The following ERBB3 variants were observed in gnomAD, a reference collection of about 807,000 sequenced individuals.
The protein encoded by ERBB3 is erb-b2 receptor tyrosine kinase 3, also known as receptor tyrosine-protein kinase erbB-3.
A neutral mutation model predicts 156.7 loss-of-function variants in ERBB3; 96 were observed. The ratio of observed to expected loss-of-function variants is 0.61; its 90% CI spans 0.52 to 0.73. The LOEUF is 0.73. Among genes scored for constraint, ERBB3 ranks in the 30% least tolerant of loss-of-function variants. The probability of loss-of-function intolerance (pLI) is 0.00; values close to 1 mark genes in which losing one functional copy is unlikely to be tolerated. For missense variants in ERBB3, 1,406 were observed against 1,709.4 expected, an observed-to-expected ratio of 0.82 and a Z score of 3.13; for synonymous variants, 567 against 632.0, an observed-to-expected ratio of 0.90 and a Z score of 1.54.
At chr12:56,094,212 T>G in intron 14 of ERBB3, 23 bp downstream of exon 14, 1 of 1,593,552 alleles carries the variant, frequency 6.3e-7, no homozygotes, top group Non-Finnish European at 8.6e-7. Context: ...CACCAGGATC[T>G]CCAAGGGAGA....
chr12:56,083,655 T>G, intron 1 of ERBB3, 96 bp from the exon 2 acceptor site: 1 of 1,415,424 alleles, frequency 7.1e-7, no homozygotes, highest in African/African-American at 1.4e-5. Flanking sequence ...CTAATGTAAC[T>G]GGAAGAGGGC....
intron 9 of ERBB3, 139 bp from the exon 10 acceptor site, chr12:56,092,608 C>T (rs1592228838): frequency 1.4e-6 from 1 of 718,594 alleles, no homozygotes; most frequent in South Asian, 1.5e-5. Flanking sequence ...TTATATTTCC[C>T]CCATCCCAGC....
intron 9 of ERBB3, chr12:56,089,119 T>C (rs748562918): frequency 3.9e-5 from 23 of 586,102 alleles, no homozygotes; most frequent in South Asian, 3.5e-4. Flanking sequence ...TCCTCCTTCT[T>C]AAAGTTTTCT....
At chr12:56,089,780 C>T (rs911685958) in intron 9 of ERBB3, among the ~76,000 whole-genome samples, 8 of 151,836 alleles carry the variant, frequency 5.3e-5, no homozygotes, top group Non-Finnish European at 1.0e-4. Flanking sequence ...ATTCTGTCTC[C>T]CCATGACTTT....
rs1228307248 is a variant in ERBB3 at position 56,085,056 on chromosome 12, T to C, written c.296T>C (p.Leu99Ser). 1 of 1,614,146 alleles carries C rather than the reference T, an allele frequency of 6.2e-7. No homozygotes were observed. Among genetic ancestry groups the C allele is most frequent in the Non-Finnish European group, 8.5e-7 (1 of 1,180,028 alleles). Reference sequence around the variant, plus strand: ...ATGAATGAATTCTCTACTCTACCATTGCCCAACCTCCGCGTGGTGCGAGGG... The same window carrying C: ...ATGAATGAATTCTCTACTCTACCATCGCCCAACCTCCGCGTGGTGCGAGGG... ...VAMNEFSTLP[L>S]PNLRVVRGTQ... The change falls in exon 3 of 28, where the codon TTG becomes TCG. Residue 99 changes from leucine to serine, a missense_variant. Around this residue, in one of 3 missense-constraint regions of ERBB3, gnomAD observed 979 missense variants for 1,219.6 expected, o/e 0.80. Transcript: ENST00000267101.
At chr12:56,083,076 C>A (rs1042081663) in intron 1 of ERBB3, among the ~76,000 whole-genome samples, 4 of 152,120 alleles carry the variant, frequency 2.6e-5, no homozygotes, top group African/African-American at 9.7e-5. Context: ...ATTGACCCCC[C>A]CTCACCCCAG....
chr12:56,086,392 A>G, intron 3 of ERBB3, 139 bp from the exon 4 acceptor site: 1 of 1,032,296 alleles, frequency 9.7e-7, no homozygotes, highest in Non-Finnish European at 1.5e-6. Context: ...TCTTCTCTGC[A>G]GCTTAGATTT....
At chr12:56,087,990 C>T in intron 6 of ERBB3, 31 bp from the exon 7 acceptor site, 1 of 1,614,160 alleles carries the variant, frequency 6.2e-7, no homozygotes, top group Non-Finnish European at 8.5e-7. Context: ...ACACACGTAA[C>T]ATAAATCTGA....
rs2136814594 is a variant in ERBB3 at position 56,095,303 on chromosome 12, C to G, written c.1906C>G (p.Leu636Val). ...LQDCLGQTLV[L>V]IGKTHLTMAL... ...AGACTGTTTAGGACAAACACTGGTG[C>G]TGATCGGGTATGATGGGGTTGGAGA... The change falls in exon 16 of 28, where the codon CTG becomes GTG. Residue 636 changes from leucine to valine, a missense_variant. Physicochemically the swap from Leu to Val is conservative, Grantham distance 32. Transcript: ENST00000267101. 1.2e-6 allele frequency: 2 copies of G among 1,613,394 alleles called. No homozygotes were observed. The highest frequency in any genetic ancestry group is 4.5e-5 in the East Asian group (2 of 44,884).
In ERBB3 at chr12:56,084,711, A is replaced by G. The variant is rs570057511; in HGVS notation, c.235-284A>G. Among the ~76,000 whole-genome samples, 4 of 151,842 alleles carry G rather than the reference A, an allele frequency of 2.6e-5. No homozygotes were observed. In the East Asian group the frequency reaches 7.8e-4, roughly 29 times the overall value. On this transcript the variant is annotated intron_variant, in intron 2 of 27. Transcript: ENST00000267101. ...TAAAAATACAAAATTAGCCAGGTGT[A>G]GTGGCACATGCCTGTAATCCCAGCT...
intron 15 of ERBB3, 121 bp downstream of exon 15, chr12:56,094,677 C>A: frequency 2.5e-6 from 3 of 1,195,572 alleles, no homozygotes; most frequent in South Asian, 1.4e-5. Flanking sequence ...GCTGGCCGGG[C>A]GCAGTGGCTC....
In ERBB3 at chr12:56,083,910, A is replaced by T. The variant is rs2271194; in HGVS notation, c.234+8A>T. On this transcript the variant is annotated splice_region_variant and intron_variant, in intron 2 of 27. Coordinates refer to ENST00000267101, the MANE Select transcript of ERBB3 (RefSeq NM_001982.4). ...GACCTCTCCTTCCTGCAGGTTAGTG[A>T]GCCCACCCTCCTTCCTCAACCTGCT... is the stretch of plus-strand genomic sequence containing the variant. 0.59 allele frequency: 946,084 copies of T among 1,612,718 alleles called. 283,496 individuals carry two copies. Among genetic ancestry groups the T allele is most frequent in the East Asian group, 0.79 (35,514 of 44,862 alleles).
intron 16 of ERBB3, 110 bp downstream of exon 16, chr12:56,095,420 C>A: frequency 1.0e-6 from 1 of 984,030 alleles, no homozygotes; most frequent in Non-Finnish European, 1.6e-6. Flanking sequence ...TTTATGTATG[C>A]AGTCCACTAT....
intron 9 of ERBB3, among the ~76,000 whole-genome samples, chr12:56,092,389 C>CAAAAAAAA (rs60865127): frequency 4.7e-5 from 2 of 42,850 alleles, no homozygotes; most frequent in South Asian, 1.6e-3. Flanking sequence ...GACTCTGTCT[C>CAAAAAAAA]AAAAAAAAAA....
rs775223707 is a variant in ERBB3 at position 56,085,114 on chromosome 12, C to T, written c.354C>T (p.Phe118=). The T allele has an allele frequency of 3.1e-6, 5 of 1,613,984 alleles. No homozygotes were observed. Among genetic ancestry groups the T allele is most frequent in the African/African-American group, 1.3e-5 (1 of 74,900 alleles). ...TCTACGATGGGAAGTTTGCCATCTTCGTCATGTTGAACTATAACACCAACT... is the reference window on the plus strand; with the variant it reads ...TCTACGATGGGAAGTTTGCCATCTTTGTCATGTTGAACTATAACACCAACT... ...TQVYDGKFAI[F]VMLNYNTNSS... The change falls in exon 3 of 28, where the codon TTC becomes TTT. Residue 118 remains phenylalanine, a synonymous_variant. Coordinates refer to ENST00000267101, the MANE Select transcript of ERBB3 (RefSeq NM_001982.4).
chr12:56,089,216 C>T lies in ERBB3; in HGVS notation c.1109+348C>T, dbSNP rs1592227146. The T allele has an allele frequency of 8.9e-6, 4 of 450,150 alleles. No individual in the cohort carries two copies. In the Admixed American group the frequency reaches 9.7e-5, roughly 11 times the overall value. 27.9% of individuals were successfully genotyped at this position (450,150 alleles called of 1,614,324 possible). ...TGGCGTGATCTCGACTCACTGTAGC[C>T]TCGACCTCCTGGGCTCAAGTGATCC... On this transcript the variant is annotated intron_variant, in intron 9 of 27. Coordinates refer to ENST00000267101, the MANE Select transcript of ERBB3 (RefSeq NM_001982.4).
In ERBB3 at chr12:56,092,970, C is replaced by G. The variant is rs762942580; in HGVS notation, c.1184-16C>G. The G allele has an allele frequency of 6.2e-7, 1 of 1,608,716 alleles. No homozygotes were observed. Among genetic ancestry groups the G allele is most frequent in the East Asian group, 2.2e-5 (1 of 44,870 alleles). On this transcript the variant is annotated splice_polypyrimidine_tract_variant and intron_variant, in intron 10 of 27. Coordinates refer to ENST00000267101, the MANE Select transcript of ERBB3 (RefSeq NM_001982.4). ...AAGAAGGCTCCCTGCCCATATGCCTCTCTCCAACCCCTCAGGTTACCTGAA... is the reference window on the plus strand; with the variant it reads ...AAGAAGGCTCCCTGCCCATATGCCTGTCTCCAACCCCTCAGGTTACCTGAA...
intron 9 of ERBB3, among the ~76,000 whole-genome samples, chr12:56,091,283 T>A (rs369399626): frequency 0.14 from 6,797 of 48,556 alleles, 1,201 homozygotes; most frequent in Middle Eastern, 0.24. Flanking sequence ...TATATATATA[T>A]ATATATATAT....
intron 3 of ERBB3, 135 bp downstream of exon 3, chr12:56,085,316 T>C: frequency 6.4e-7 from 1 of 1,553,962 alleles, no homozygotes; most frequent in Admixed American, 1.9e-5. Flanking sequence ...TGTCTAAAGG[T>C]CCATTGCTCC....
Sources: gnomAD v4.1 joint callset for allele counts (sites outside exome capture counted in the v4.1 genomes callset) on GRCh38, gnomAD v4.1.1 for gene constraint, gnomAD v4.1.1 regional missense constraint, MANE v1.5 for transcripts, NCBI Gene and HGNC (gene_info 2026-07-23, HGNC 2026-07-21) for gene names.